Variants in SPX observed in about 807,000 individuals in gnomAD.
The protein encoded by SPX is spexin.
Under a neutral mutation model 19.2 loss-of-function variants are expected in SPX, and 22 were observed. The observed-to-expected ratio is 1.15, with a 90% CI of 0.82 to 1.64. SPX has a LOEUF of 1.64. Ranked by LOEUF, SPX falls within the 40% of genes most tolerant of loss-of-function variation. SPX has a pLI of 0.00. For synonymous variants in SPX, 50 were observed against 53.3 expected, an observed-to-expected ratio of 0.94 and a Z score of 0.27; for missense variants, 143 against 137.7, an observed-to-expected ratio of 1.04 and a Z score of -0.19.
At chr12:21,529,243 C>T (rs554901748) in intron 5 of SPX, among the ~76,000 whole-genome samples, 159 bp downstream of exon 5, 1 of 152,148 alleles carries the variant, frequency 6.6e-6, no homozygotes, top group African/African-American at 2.4e-5. Flanking sequence ...AATCTCTGTC[C>T]TTAAGAAGTT....
In SPX at chr12:21,527,789, G is replaced by A; in HGVS notation, c.208G>A (p.Glu70Lys). ...GGACCTCTCCGACCGGCCACTGCCG[G>A]GTGAGTGACCAAGGGTGCAAGGGCG... Reference protein sequence around the residue: ...RKDLSDRPLPERRSPNPQLLT... With the variant: ...RKDLSDRPLPKRRSPNPQLLT... Residue 70 changes from glutamate to lysine, a missense_variant and splice_region_variant, in exon 4 of 6, where the codon GAA (glutamate) becomes AAA (lysine). Transcript: ENST00000256969. 1 of 1,570,858 alleles carries A rather than the reference G, an allele frequency of 6.4e-7. No homozygotes were observed. The highest frequency in any genetic ancestry group is 8.6e-7 in the Non-Finnish European group (1 of 1,157,666).
intron 4 of SPX, 65 bp downstream of exon 4, chr12:21,527,854 C>A: frequency 6.7e-7 from 1 of 1,501,378 alleles, no homozygotes. Flanking sequence ...GCGGGCAGGG[C>A]TTGCTCCGCG....
Position 21,532,077 on chromosome 12 carries a change from AG to A in SPX, c.*883del, listed in dbSNP as rs1565587981. ...AATCACTCTGATAACATAAGTGCAC[AG>A]TAATATGCCTGATCTCTTCCTTTTT... On this transcript the variant is annotated 3_prime_UTR_variant, in exon 6 of 6. Transcript: ENST00000256969. 1 of 152,236 alleles carries A rather than the reference AG, an allele frequency of 6.6e-6. No homozygotes were observed. Among genetic ancestry groups the A allele is most frequent in the Non-Finnish European group, 1.5e-5 (1 of 68,034 alleles). 9.4% of individuals were successfully genotyped at this position (152,236 alleles called of 1,614,324 possible). A position where few individuals can be genotyped will look rare whatever the true frequency, so the allele number is the denominator to read the frequency against.
chr12:21,530,625 A>G (rs1179620756), intron 5 of SPX, among the ~76,000 whole-genome samples: 4 of 152,150 alleles, frequency 2.6e-5, no homozygotes, highest in Non-Finnish European at 5.9e-5. Flanking sequence ...CTCATGCTCT[A>G]AAGTTTCGCG....
chr12:21,527,895 G>T (rs1367538463), intron 4 of SPX, 106 bp downstream of exon 4: 1 of 1,334,754 alleles, frequency 7.5e-7, no homozygotes, highest in East Asian at 2.6e-5. Context: ...CTCCTCACCG[G>T]AAAGACGCGG....
Position 21,526,483 on chromosome 12 carries a change from G to A in SPX, c.6+5G>A. 2 of 1,593,872 alleles carry A rather than the reference G, an allele frequency of 1.3e-6. No individual in the cohort carries two copies. The highest frequency in any genetic ancestry group is 1.7e-6 in the Non-Finnish European group (2 of 1,165,820). ...GAAAAGACGCAGAACATGAAGGTAA[G>A]TAAAGGCTTTATTAACTTGAGACTT... On this transcript the variant is annotated splice_donor_5th_base_variant and intron_variant, in intron 1 of 5. Coordinates refer to ENST00000256969, the MANE Select transcript of SPX (RefSeq NM_030572.4).
Position 21,528,990 on chromosome 12 carries a change from T to C in SPX, c.209-11T>C, listed in dbSNP as rs764429805. Reference sequence around the variant, plus strand: ...TGCTAAGAGAATCTGTATACATTTTTGTTTCTGCAGAAAGACGAAGCCCAA... The same window carrying C: ...TGCTAAGAGAATCTGTATACATTTTCGTTTCTGCAGAAAGACGAAGCCCAA... On this transcript the variant is annotated splice_polypyrimidine_tract_variant and intron_variant, in intron 4 of 5. Coordinates refer to ENST00000256969, the MANE Select transcript of SPX (RefSeq NM_030572.4). 3 of 1,608,568 alleles carry C rather than the reference T, an allele frequency of 1.9e-6. No homozygotes were observed. The South Asian group carries it at 3.3e-5, about 18-fold the overall frequency.
In SPX at chr12:21,531,314, T is replaced by A; in HGVS notation, c.*119T>A. On this transcript the variant is annotated 3_prime_UTR_variant, in exon 6 of 6. Transcript: ENST00000256969. ...ATCTTAAGAACACACACAGATAGTT[T>A]TATTCTTTCAGAAACAAAATATATA... is the stretch of plus-strand genomic sequence containing the variant. 1 of 703,408 alleles carries A rather than the reference T, an allele frequency of 1.4e-6. No individual in the cohort carries two copies. The highest frequency in any genetic ancestry group is 2.2e-6 in the Non-Finnish European group (1 of 447,408). 43.6% of individuals were successfully genotyped at this position (703,408 alleles called of 1,614,324 possible).
Position 21,527,803 on chromosome 12 carries a change from G to A in SPX, c.208+14G>A, listed in dbSNP as rs752515559. ...GGCCACTGCCGGGTGAGTGACCAAG[G>A]GTGCAAGGGCGCTAGTCCTGCGCTT... On this transcript the variant is annotated intron_variant, in intron 4 of 5. Coordinates refer to ENST00000256969, the MANE Select transcript of SPX (RefSeq NM_030572.4). 32 of 1,568,612 alleles carry A rather than the reference G, an allele frequency of 2.0e-5. No homozygotes were observed. The African/African-American group carries it at 3.4e-4, about 16-fold the overall frequency.
Position 21,526,875 on chromosome 12 carries a change from G to A in SPX, c.7-11G>A. The A allele has an allele frequency of 1.2e-6, 2 of 1,613,306 alleles. No individual in the cohort carries two copies. Among genetic ancestry groups the A allele is most frequent in the Non-Finnish European group, 1.7e-6 (2 of 1,179,372 alleles). Reference sequence around the variant, plus strand: ...CAGAAATGACCCTTTCTGGTTGATCGCTTCATATAGGGACTCAGAAGTCTG... The same window carrying A: ...CAGAAATGACCCTTTCTGGTTGATCACTTCATATAGGGACTCAGAAGTCTG... On this transcript the variant is annotated splice_polypyrimidine_tract_variant and intron_variant, in intron 1 of 5. Transcript: ENST00000256969.
chr12:21,527,408 A>G, intron 3 of SPX: 2 of 609,784 alleles, frequency 3.3e-6, no homozygotes, highest in Admixed American at 2.9e-5. Context: ...TCTCCATCCA[A>G]AACTGGAGGG....
intron 1 of SPX, 137 bp downstream of exon 1, chr12:21,526,615 T>A: frequency 1.1e-6 from 1 of 894,844 alleles, no homozygotes; most frequent in Non-Finnish European, 1.7e-6. Context: ...AATAACAGAA[T>A]CATTTGATTT....
rs1028877070 is a variant in SPX at position 21,531,945 on chromosome 12, T to C, written c.*750T>C. On this transcript the variant is annotated 3_prime_UTR_variant, in exon 6 of 6. Coordinates refer to ENST00000256969, the MANE Select transcript of SPX (RefSeq NM_030572.4). ...GAAGAAGGGAACAAGCCAGTTTTGTTAGAGGTAACTCATTTTCCATGACCA... is the reference window on the plus strand; with the variant it reads ...GAAGAAGGGAACAAGCCAGTTTTGTCAGAGGTAACTCATTTTCCATGACCA... The C allele has an allele frequency of 3.3e-5, 5 of 152,206 alleles. No homozygotes were observed. Among genetic ancestry groups the C allele is most frequent in the African/African-American group, 1.2e-4 (5 of 41,452 alleles). The allele number at this position is 152,206 out of a possible 1,614,324, so 9.4% of individuals were successfully genotyped here. A position where few individuals can be genotyped will look rare whatever the true frequency, so the allele number is the denominator to read the frequency against.
Position 21,531,262 on chromosome 12 carries a change from C to T in SPX, c.*67C>T. The T allele has an allele frequency of 2.6e-6, 3 of 1,145,998 alleles. No individual in the cohort carries two copies. The highest frequency in any genetic ancestry group is 1.5e-5 in the South Asian group (1 of 65,206). 71.0% of individuals were successfully genotyped at this position (1,145,998 alleles called of 1,614,324 possible). On this transcript the variant is annotated 3_prime_UTR_variant, in exon 6 of 6. Coordinates refer to ENST00000256969, the MANE Select transcript of SPX (RefSeq NM_030572.4). ...GAAAACATGAACCATGTGAATAAAA[C>T]CTTTGGACCCTTTTATTCCATTTGT...
At chr12:21,527,316 T>C in intron 3 of SPX, 124 bp downstream of exon 3, 1 of 934,498 alleles carries the variant, frequency 1.1e-6, no homozygotes, top group Non-Finnish European at 1.7e-6. Flanking sequence ...ATCGAGGCCA[T>C]CAAAGAGACC....
chr12:21,529,042 G>A lies in SPX; in HGVS notation c.250G>A (p.Ala84Thr). The A allele has an allele frequency of 1.2e-6, 2 of 1,614,144 alleles. No individual in the cohort carries two copies. Among genetic ancestry groups the A allele is most frequent in the Non-Finnish European group, 1.7e-6 (2 of 1,180,006 alleles). The change falls in exon 5 of 6, where the codon GCA (alanine) becomes ACA (threonine). Residue 84 changes from alanine (A) to threonine (T), a missense_variant. Transcript: ENST00000256969. Reference protein sequence around the residue: ...PNPQLLTIPEAATILLASLQK... With the variant: ...PNPQLLTIPETATILLASLQK... Reference sequence around the variant, plus strand: ...TCCCCAACTACTAACTATTCCGGAGGCAGCAACCATCTTACTGGCGTCCCT... The same window carrying A: ...TCCCCAACTACTAACTATTCCGGAGACAGCAACCATCTTACTGGCGTCCCT...
intron 4 of SPX, chr12:21,528,007 C>T: frequency 1.8e-6 from 1 of 548,110 alleles, no homozygotes; most frequent in African/African-American, 2.0e-5. Flanking sequence ...CGCGTCCAGC[C>T]CCGCGCCAAT....
intron 5 of SPX, among the ~76,000 whole-genome samples, chr12:21,529,468 T>C (rs542256311): frequency 6.6e-6 from 1 of 151,728 alleles, no homozygotes; most frequent in African/African-American, 2.4e-5. Flanking sequence ...AAGAGGAAAA[T>C]CAGAATAAGA....
chr12:21,527,315 A>G, intron 3 of SPX, 123 bp downstream of exon 3: 1 of 975,978 alleles, frequency 1.0e-6, no homozygotes. Context: ...CATCGAGGCC[A>G]TCAAAGAGAC....
Sources: allele counts gnomAD v4.1 joint callset (sites outside exome capture counted in the v4.1 genomes callset), GRCh38; gene constraint gnomAD v4.1.1; transcripts MANE v1.5; gene names NCBI Gene and HGNC (gene_info 2026-07-23, HGNC 2026-07-21).